The following LTN1 variants were observed in gnomAD, a reference collection of about 807,000 sequenced individuals.
The protein encoded by LTN1 is E3 ubiquitin-protein ligase listerin.
LTN1 carries 88 observed loss-of-function variants against 201.2 expected under a neutral mutation model. The observed-to-expected ratio is 0.44, with a 90% CI of 0.37 to 0.52. The LOEUF (loss-of-function observed/expected upper bound fraction) is 0.52. LTN1 is among the 20% of genes least tolerant of loss of function. The pLI is 0.00. For missense variants in LTN1, 1,752 were observed against 2,038.7 expected, an observed-to-expected ratio of 0.86 and a Z score of 2.71; for synonymous variants, 645 against 713.5, an observed-to-expected ratio of 0.90 and a Z score of 1.53.
At chr21:28,932,365 C>A (rs2084217426) in intron 28 of LTN1, 105 bp downstream of exon 28, 1 of 913,108 alleles carries the variant, frequency 1.1e-6, no homozygotes, top group Non-Finnish European at 1.7e-6. Flanking sequence ...AGTTTAATAT[C>A]TACTTTTATC....
intron 4 of LTN1, among the ~76,000 whole-genome samples, chr21:28,983,967 C>T (rs2084677710): frequency 6.6e-6 from 1 of 152,130 alleles, no homozygotes; most frequent in African/African-American, 2.4e-5. Context: ...CTGAAAGCCA[C>T]AAACAGGTAT....
intron 22 of LTN1, 51 bp downstream of exon 22, chr21:28,944,332 G>GT (rs2084320229): frequency 7.0e-6 from 10 of 1,421,802 alleles, no homozygotes; most frequent in Non-Finnish European, 9.8e-6. Flanking sequence ...GAATTTTTCA[G>GT]TAAGTCATTT....
intron 11 of LTN1, among the ~76,000 whole-genome samples, chr21:28,964,936 T>C (rs1344605945): frequency 1.3e-5 from 2 of 152,162 alleles, no homozygotes; most frequent in African/African-American, 4.8e-5. Flanking sequence ...TGATAAGTCA[T>C]ATTCCTCATT....
rs2084196991 is a variant in LTN1, at chr21:28,929,826, G to A, written c.*622C>T. On this transcript the variant is annotated 3_prime_UTR_variant, in exon 30 of 30. Transcript: ENST00000361371. ...CAGCATCAAGAATTTAATTTTCTGA[G>A]TTTCATAACCCTTGATAAATGGAGG... The A allele has an allele frequency of 6.6e-6, 1 of 152,034 alleles. No homozygotes were observed. The highest frequency in any genetic ancestry group is 2.1e-4 in the South Asian group (1 of 4,828). 9.4% of individuals were successfully genotyped at this position (152,034 alleles called of 1,614,324 possible). A position where few individuals can be genotyped will look rare whatever the true frequency, so the allele number is the denominator to read the frequency against.
chr21:28,957,560 T>C (rs1601186002), intron 14 of LTN1, 84 bp from the exon 15 acceptor site: 4 of 847,464 alleles, frequency 4.7e-6, no homozygotes, highest in Non-Finnish European at 6.6e-6. Flanking sequence ...TACCCTATAA[T>C]AGCTCACCTG....
In LTN1 at chr21:28,941,408, T is replaced by G; in HGVS notation, c.4296-2A>C. 1 of 1,597,344 alleles carries G rather than the reference T, an allele frequency of 6.3e-7. No individual in the cohort carries two copies. The highest frequency in any genetic ancestry group is 2.2e-5 in the East Asian group (1 of 44,466). ...GACATCAGTGCTGCTGGTGGTGACC[T>G]AAGAATCAATGATTAAACACCACAA... is the stretch of plus-strand genomic sequence containing the variant. On this transcript the variant is annotated splice_acceptor_variant, in intron 24 of 29. Transcript: ENST00000361371. LOFTEE classifies it high-confidence loss of function.
intron 27 of LTN1, among the ~76,000 whole-genome samples, chr21:28,934,071 C>A (rs1467004547): frequency 6.6e-6 from 1 of 152,158 alleles, no homozygotes; most frequent in East Asian, 1.9e-4. Context: ...CTCACTTAAT[C>A]CCCTCAGCCA....
At chr21:28,944,286 G>A (rs573597452) in intron 22 of LTN1, 97 bp downstream of exon 22, 2 of 863,942 alleles carry the variant, frequency 2.3e-6, no homozygotes, top group South Asian at 3.2e-5. Context: ...TTACTATTTA[G>A]TATTATTTGA....
chr21:28,928,288 C>T lies in LTN1; in HGVS notation c.*2160G>A, dbSNP rs556026487. 1 of 152,648 alleles carries T rather than the reference C, an allele frequency of 6.6e-6. No homozygotes were observed. Among genetic ancestry groups the T allele is most frequent in the African/African-American group, 2.4e-5 (1 of 41,538 alleles). 9.5% of individuals were successfully genotyped at this position (152,648 alleles called of 1,614,324 possible). A position where few individuals can be genotyped will look rare whatever the true frequency, so the allele number is the denominator to read the frequency against. ...TAATTAAAAAGAATTTTAATGGGCA[C>T]ATATGGTATAACAATCAAATAATAA... On this transcript the variant is annotated 3_prime_UTR_variant, in exon 30 of 30. Coordinates refer to ENST00000361371, the MANE Select transcript of LTN1 (RefSeq NM_015565.3).
At chr21:28,965,138 C>T (rs563331048) in intron 11 of LTN1, among the ~76,000 whole-genome samples, 1 of 152,036 alleles carries the variant, frequency 6.6e-6, no homozygotes, top group South Asian at 2.1e-4. Flanking sequence ...AAATTTCATG[C>T]TATGTGTTTT....
At chr21:28,933,419 A>G (rs1056628883) in intron 27 of LTN1, among the ~76,000 whole-genome samples, 2 of 152,172 alleles carry the variant, frequency 1.3e-5, no homozygotes, top group Admixed American at 6.5e-5. Flanking sequence ...GGTCAGAGCA[A>G]TTTCAAAGAT....
chr21:28,943,132 TAACTA>T (rs2084310169), intron 24 of LTN1, 125 bp downstream of exon 24: 2 of 519,582 alleles, frequency 3.8e-6, no homozygotes, highest in African/African-American at 2.0e-5. Context: ...ATCTTACAGA[TAACTA>T]AAAAGATCTA....
chr21:28,973,098 A>C (rs1402025925), intron 6 of LTN1, among the ~76,000 whole-genome samples: 1 of 152,200 alleles, frequency 6.6e-6, no homozygotes, highest in Admixed American at 6.5e-5. Context: ...CTGTAATCCC[A>C]GAACTTTGGG....
intron 26 of LTN1, 106 bp from the exon 27 acceptor site, chr21:28,935,435 A>AAG: frequency 1.4e-6 from 1 of 713,752 alleles, no homozygotes; most frequent in Non-Finnish European, 2.4e-6. Flanking sequence ...TCTCAACAAT[A>AAG]GTGCTATAGC....
At position 28,966,959 on chromosome 21, in the gene LTN1, G is replaced by C. The variant is rs2084530961; in HGVS notation, c.1532C>G (p.Ser511Cys). ...TAATAGGTTAGATACACCCAAAACG[G>C]ACTCAACATCAGCTTCTGGCTCACT... The part of the protein sequence containing the change: ...KISEPEADVE[S>C]VLGVSNLLQV... Residue 511 changes from serine (S) to cysteine (C), a missense_variant, in exon 10 of 30, where the codon TCC becomes TGC. This residue lies in a region of LTN1 where 1,211 missense variants were observed against 1,312.8 expected (regional missense o/e 0.92). Transcript: ENST00000361371. 2 of 1,613,824 alleles carry C rather than the reference G, an allele frequency of 1.2e-6. No individual in the cohort carries two copies. Among genetic ancestry groups the C allele is most frequent in the African/African-American group, 1.3e-5 (1 of 74,952 alleles).
chr21:28,976,711 A>G (rs1434509181), intron 6 of LTN1, among the ~76,000 whole-genome samples: 3 of 152,222 alleles, frequency 2.0e-5, no homozygotes, highest in African/African-American at 7.2e-5. Context: ...TACAACCACA[A>G]TTAAAATTCT....
intron 18 of LTN1, among the ~76,000 whole-genome samples, chr21:28,951,398 T>C (rs1457347001): frequency 6.6e-6 from 1 of 152,172 alleles, no homozygotes; most frequent in African/African-American, 2.4e-5. Context: ...AAACCCACAA[T>C]CTACTTCTTT....
chr21:28,981,165 A>T lies in LTN1; in HGVS notation c.764T>A (p.Leu255Ter), dbSNP rs1315414306. The T allele has an allele frequency of 6.3e-7, 1 of 1,595,550 alleles. No individual in the cohort carries two copies. The highest frequency in any genetic ancestry group is 1.1e-5 in the South Asian group (1 of 87,180). The change falls in exon 6 of 30, where the codon TTA becomes TAA. Residue 255 changes from leucine (L) to a stop codon, truncating the protein, a stop_gained. Coordinates refer to ENST00000361371, the MANE Select transcript of LTN1 (RefSeq NM_015565.3). LOFTEE classifies it high-confidence loss of function. Reference sequence around the variant, plus strand: ...ATACTTCCAAAACTTATTCTGTGATAAAAGAGACTTAAATTTCTCCTCCAG... The same window carrying T: ...ATACTTCCAAAACTTATTCTGTGATTAAAGAGACTTAAATTTCTCCTCCAG... ...DSLEEKFKSL[L>*]SQNKFWKYGK...
chr21:28,933,142 C>G (rs2084224826), intron 27 of LTN1, among the ~76,000 whole-genome samples: 1 of 152,184 alleles, frequency 6.6e-6, no homozygotes, highest in Non-Finnish European at 1.5e-5. Flanking sequence ...ATAAAACGCA[C>G]ACATTATTAT....
Sources: gnomAD v4.1 joint callset for allele counts (sites outside exome capture counted in the v4.1 genomes callset) on GRCh38, gnomAD v4.1.1 for gene constraint, gnomAD v4.1.1 regional missense constraint, MANE v1.5 for transcripts, NCBI Gene and HGNC (gene_info 2026-07-23, HGNC 2026-07-21) for gene names.